The following ZNF594 variants were observed in gnomAD, a reference collection of about 807,000 sequenced individuals.
ZNF594 encodes the protein zinc finger protein HZF18.
For missense variants in ZNF594, 1,037 were observed against 964.6 expected (o/e 1.08, Z -0.99); for synonymous variants, 336 against 309.4 (o/e 1.09, Z -0.90).
rs2074353021 is a variant in ZNF594, at chr17:5,182,637, T to G, written c.1620A>C (p.Gly540=). 1 of 1,613,940 alleles carries G rather than the reference T, an allele frequency of 6.2e-7. No homozygotes were observed. The highest frequency in any genetic ancestry group is 1.7e-5 in the Admixed American group (1 of 60,008). ...AGGTTTTCTCACATTCAAGTTTCTC[T>G]CCAGTATGCAGGCTCTGATGTTTGA... ...AFLKHQSLHT[G]EKLECEKTFS... is the part of the protein sequence containing the mutation. The change falls in exon 2 of 2, where the codon GGA becomes GGC. Residue 540 remains glycine, a synonymous_variant. Transcript: ENST00000575779.
Position 5,184,218 on chromosome 17 carries a change from T to C in ZNF594, c.39A>G (p.Glu13=). 1 of 1,613,362 alleles carries C rather than the reference T, an allele frequency of 6.2e-7. No homozygotes were observed. The highest frequency in any genetic ancestry group is 8.5e-7 in the Non-Finnish European group (1 of 1,179,822). ...CGGATGCAGCCCTTGCTGACTTCTT[T>C]TCTTCAGAAATTTCCATCTTTGATT... ...EWKSKMEISE[E]KKSARAASEK... is the part of the protein sequence containing the mutation. Residue 13 remains glutamate (E), a synonymous_variant, in exon 2 of 2, where the codon GAA becomes GAG. Transcript: ENST00000575779.
At position 5,182,252 on chromosome 17, in the gene ZNF594, T is replaced by C. The variant is rs774585652; in HGVS notation, c.2005A>G (p.Thr669Ala). The C allele has an allele frequency of 3.7e-6, 6 of 1,613,658 alleles. No homozygotes were observed. The East Asian group carries it at 1.3e-4, about 36-fold the overall frequency. ...KAFSQRSHLATHQKIHTGEKP... is the reference protein window; with the variant it reads ...KAFSQRSHLAAHQKIHTGEKP... ...TCTCCAGTATGGATTTTCTGGTGTG[T>C]AGCAAGGTGTGACCTCTGGCTGAAG... is the stretch of plus-strand genomic sequence containing the variant. Residue 669 changes from threonine (T) to alanine (A), a missense_variant, in exon 2 of 2, where the codon ACA becomes GCA. Transcript: ENST00000575779.
Position 5,183,753 on chromosome 17 carries a change from T to G in ZNF594, c.504A>C (p.Ser168=). 1 of 1,613,216 alleles carries G rather than the reference T, an allele frequency of 6.2e-7. No homozygotes were observed. The highest frequency in any genetic ancestry group is 8.5e-7 in the Non-Finnish European group (1 of 1,179,236). Residue 168 remains serine, a synonymous_variant, in exon 2 of 2, where the codon TCA becomes TCC. Coordinates refer to ENST00000575779, the MANE Select transcript of ZNF594 (RefSeq NM_032530.2). ...GAATTCTCTGATGTATAATAAGATT[T>G]GAACTTTGATTAGAGTCTTTCCCAC... ...NECGKDSNQS[S]NLIIHQRIHT...
At position 5,183,841 on chromosome 17, in the gene ZNF594, CT is replaced by C; in HGVS notation, c.415del (p.Ser139ValfsTer4). 2 of 1,613,912 alleles carry C rather than the reference CT, an allele frequency of 1.2e-6. No homozygotes were observed. Among genetic ancestry groups the C allele is most frequent in the Admixed American group, 1.7e-5 (1 of 59,988 alleles). ...TCTCTGATGTATGATCAGGTTTGAA[CT>C]CCTGTTGAAGGTTTTTTCACATTCC... ...CKECEKTFNR[S>X]SNLIIHQRIH... On this transcript the variant is annotated frameshift_variant, in exon 2 of 2. Coordinates refer to ENST00000575779, the MANE Select transcript of ZNF594 (RefSeq NM_032530.2). LOFTEE classifies it low-confidence loss of function (END_TRUNC).
chr17:5,183,675 CTGAT>C lies in ZNF594; in HGVS notation c.578_581del (p.Asn193ArgfsTer6), dbSNP rs776590798. The C allele has an allele frequency of 1.3e-4, 202 of 1,614,184 alleles. 2 individuals carry two copies. The highest frequency in any genetic ancestry group is 9.9e-4 in the Middle Eastern group (6 of 6,062). On this transcript the variant is annotated frameshift_variant, in exon 2 of 2. Transcript: ENST00000575779. LOFTEE classifies it low-confidence loss of function (END_TRUNC). ...GCTTATGTCTCACCAGATTGGAGCTCTGATTGAAGTCTTTTCCACATTCATGACA... is the reference window on the plus strand; with the variant it reads ...GCTTATGTCTCACCAGATTGGAGCTCTGAAGTCTTTTCCACATTCATGACA...
intron 1 of ZNF594, among the ~76,000 whole-genome samples, chr17:5,190,973 G>C (rs1475178209): frequency 6.6e-6 from 1 of 152,172 alleles, no homozygotes; most frequent in East Asian, 1.9e-4. Flanking sequence ...AATTGGAACT[G>C]TTTATATTTT....
chr17:5,182,853 G>C lies in ZNF594; in HGVS notation c.1404C>G (p.Ala468=). The change falls in exon 2 of 2, where the codon GCC becomes GCG. Residue 468 remains alanine, a synonymous_variant. Transcript: ENST00000575779. ...TAACAAGGTGTGACCTCTGGCTAAA[G>C]GCTTTCCCACATTCACTACATTCAT... ...KPYECSECGK[A]FSQRSHLVTH... is the part of the protein sequence containing the mutation. 2 of 1,613,800 alleles carry C rather than the reference G, an allele frequency of 1.2e-6. No homozygotes were observed. Among genetic ancestry groups the C allele is most frequent in the Non-Finnish European group, 8.5e-7 (1 of 1,179,964 alleles).
At chr17:5,178,981 C>T (rs1490603414), downstream of ZNF594, among the ~76,000 whole-genome samples, 4 of 151,926 alleles carry the variant, frequency 2.6e-5, no homozygotes, top group African/African-American at 4.8e-5. Context: ...AAGACAAAGA[C>T]GCAAAGGCCA....
intron 1 of ZNF594, among the ~76,000 whole-genome samples, chr17:5,191,103 C>G (rs1387992427): frequency 6.6e-6 from 1 of 152,056 alleles, no homozygotes. Context: ...CAAAACTAGC[C>G]CCTTCCTCAG....
chr17:5,182,184 C>T lies in ZNF594; in HGVS notation c.2073G>A (p.Arg691=), dbSNP rs761025910. The T allele has an allele frequency of 1.2e-6, 2 of 1,613,556 alleles. No individual in the cohort carries two copies. Among genetic ancestry groups the T allele is most frequent in the South Asian group, 1.1e-5 (1 of 91,082 alleles). The change falls in exon 2 of 2, where the codon CGG becomes CGA. Residue 691 remains arginine, a synonymous_variant. Coordinates refer to ENST00000575779, the MANE Select transcript of ZNF594 (RefSeq NM_032530.2). ...QCSECGNAFR[R]RSLLIQHRRL... ...TCCGATGTTGAATAAGGAGGGAACG[C>T]CGCCTGAAGGCATTCCCACATTCAC... is the stretch of plus-strand genomic sequence containing the variant.
At chr17:5,174,142 G>T in the ZNF594 span, 1 of 198,402 alleles carries the variant, frequency 5.0e-6, no homozygotes. Flanking sequence ...AAATTTTACA[G>T]TAGTCATTGA....
intron 1 of ZNF594, among the ~76,000 whole-genome samples, chr17:5,186,391 G>T (rs932664269): frequency 6.6e-6 from 1 of 152,198 alleles, no homozygotes; most frequent in South Asian, 2.1e-4. Flanking sequence ...GGGATGCAGC[G>T]CACCAAGTCC....
At position 5,182,139 on chromosome 17, in the gene ZNF594, T is replaced by C; in HGVS notation, c.2118A>G (p.Lys706=). ...IQHRRLHSGE[K]PYECKECGKL... ...TCCCACATTCCTTACATTCATAGGG[T>C]TTCTCACCACTATGAAGTCTCCGAT... Residue 706 remains lysine (K), a synonymous_variant, in exon 2 of 2, where the codon AAA becomes AAG. Coordinates refer to ENST00000575779, the MANE Select transcript of ZNF594 (RefSeq NM_032530.2). 5.0e-6 allele frequency: 8 copies of C among 1,613,384 alleles called. No individual in the cohort carries two copies. The highest frequency in any genetic ancestry group is 6.8e-6 in the Non-Finnish European group (8 of 1,179,934).
Position 5,181,880 on chromosome 17 carries a change from C to T in ZNF594, c.2377G>A (p.Glu793Lys), listed in dbSNP as rs758823001. The T allele has an allele frequency of 6.2e-6, 10 of 1,613,808 alleles. No individual in the cohort carries two copies. The highest frequency in any genetic ancestry group is 5.3e-5 in the African/African-American group (4 of 74,800). The change falls in exon 2 of 2, where the codon GAA (glutamate) becomes AAA (lysine). Residue 793 changes from glutamate (E) to lysine (K), a missense_variant. Glu to Lys is a moderately conservative substitution (Grantham distance 56). Coordinates refer to ENST00000575779, the MANE Select transcript of ZNF594 (RefSeq NM_032530.2). The part of the protein sequence containing the change: ...HTREKPYECK[E>K]CGKTQSELRP... ...AGCTCTGATTGAGTTTTCCCACATTCTTTACATTCATATGGTTTCTCTCTT... is the reference window on the plus strand; with the variant it reads ...AGCTCTGATTGAGTTTTCCCACATTTTTTACATTCATATGGTTTCTCTCTT...
downstream of ZNF594, among the ~76,000 whole-genome samples, chr17:5,176,106 A>T (rs186154064): frequency 3.9e-4 from 59 of 152,386 alleles, no homozygotes; most frequent in African/African-American, 1.3e-3. Flanking sequence ...TTAAAAATGT[A>T]TAAAATGGGC....
downstream of ZNF594, among the ~76,000 whole-genome samples, chr17:5,177,189 CT>C (rs66996817): frequency 0.49 from 71,981 of 147,964 alleles, 20,022 homozygotes; most frequent in Non-Finnish European, 0.64. Flanking sequence ...CAGTGAGTCT[CT>C]GTCTCATAAA....
rs1241375569 is a variant in ZNF594 at position 5,180,960 on chromosome 17, T to C, written c.*873A>G. On this transcript the variant is annotated 3_prime_UTR_variant, in exon 2 of 2. Coordinates refer to ENST00000575779, the MANE Select transcript of ZNF594 (RefSeq NM_032530.2). ...GCTACCTATTAGAATAGGTCCTGTT[T>C]GTAGACTCTTACAGTCTTCAAATTC... 1.4e-6 allele frequency: 1 copy of C among 699,826 alleles called. No homozygotes were observed. Among genetic ancestry groups the C allele is most frequent in the Admixed American group, 2.0e-5 (1 of 49,434 alleles). 43.4% of individuals were successfully genotyped at this position (699,826 alleles called of 1,614,324 possible). A position where few individuals can be genotyped will look rare whatever the true frequency, so the allele number is the denominator to read the frequency against.
chr17:5,180,596 G>A lies in ZNF594; in HGVS notation c.*1237C>T, dbSNP rs1445845051. On this transcript the variant is annotated 3_prime_UTR_variant, in exon 2 of 2. Transcript: ENST00000575779. ...GCCGGTAATCCCAACCCTTTGGGAG[G>A]CTGAGGAGGGAGGAGTGCTTGAGCC... 2 of 183,680 alleles carry A rather than the reference G, an allele frequency of 1.1e-5. No individual in the cohort carries two copies. Among genetic ancestry groups the A allele is most frequent in the East Asian group, 3.1e-4 (2 of 6,442 alleles). 11.4% of individuals were successfully genotyped at this position (183,680 alleles called of 1,614,324 possible). A position where few individuals can be genotyped will look rare whatever the true frequency, so the allele number is the denominator to read the frequency against.
At chr17:5,175,554 A>G (rs2074301726), downstream of ZNF594, among the ~76,000 whole-genome samples, 1 of 152,218 alleles carries the variant, frequency 6.6e-6, no homozygotes, top group South Asian at 2.1e-4. Context: ...GACTTTAAAC[A>G]TGGCTCACAT....
Sources: gnomAD v4.1 joint callset for allele counts (sites outside exome capture counted in the v4.1 genomes callset) on GRCh38, gnomAD v4.1.1 for gene constraint, MANE v1.5 for transcripts, NCBI Gene and HGNC (gene_info 2026-07-23, HGNC 2026-07-21) for gene names.